Variants in SLC14A2 observed in about 807,000 individuals in gnomAD.
SLC14A2 encodes solute carrier family 14 member 2.
In SLC14A2, 91 loss-of-function variants were observed where a neutral mutation model predicts 104.6. The observed-to-expected ratio is 0.87, with a 90% confidence interval of 0.73 to 1.04. SLC14A2 has a LOEUF of 1.04. Among genes scored for constraint, SLC14A2 ranks in the 50% least tolerant of loss-of-function variants. The pLI, the probability that SLC14A2 is intolerant of heterozygous loss-of-function variation, is 0.00. For synonymous variants in SLC14A2, 476 were observed against 466.4 expected (o/e 1.02, Z -0.27); for missense variants, 1,189 against 1,156.0 (o/e 1.03, Z -0.41).
chr18:45,170,739 A>T, the SLC14A2 span, among the ~76,000 whole-genome samples: 1 of 152,172 alleles, frequency 6.6e-6, no homozygotes. Flanking sequence ...ACTGAGTCTC[A>T]TCCTATTTTC....
In SLC14A2 at chr18:45,465,340, A is replaced by G. The variant is rs573893051; in HGVS notation, c.-124-17893A>G. Among the ~76,000 whole-genome samples the G allele has an allele frequency of 1.4e-3, 218 of 152,274 alleles. 3 individuals are homozygous for G. The highest frequency in any genetic ancestry group is 7.5e-3 in the South Asian group (36 of 4,828). On this transcript the variant is annotated intron_variant, in intron 1 of 20. Transcript: ENST00000586448. ...AGCACCCAAACAGCTCCATTTCCTC[A>G]TGGAGCTGCACTGTTGGCAGTTGTG... is the stretch of plus-strand genomic sequence containing the variant.
chr18:45,172,946 A>G, the SLC14A2 span, among the ~76,000 whole-genome samples: 1 of 152,152 alleles, frequency 6.6e-6, no homozygotes, highest in Non-Finnish European at 1.5e-5. Context: ...TGATAATTTT[A>G]GGGAAAGTCA....
At chr18:45,396,798 T>C (rs2086038570) in intron 1 of SLC14A2, among the ~76,000 whole-genome samples, 1 of 151,962 alleles carries the variant, frequency 6.6e-6, no homozygotes, top group Admixed American at 6.6e-5. Context: ...AATAGTTCCC[T>C]TTTCTGCTCC....
intron 1 of SLC14A2, among the ~76,000 whole-genome samples, chr18:45,254,073 G>T (rs937448197): frequency 1.4e-4 from 22 of 152,232 alleles, no homozygotes; most frequent in African/African-American, 5.3e-4. Flanking sequence ...TTTTATAGGT[G>T]GGGAGTCCCA....
chr18:45,592,308 C>A (rs980004645), intron 2 of SLC14A2, among the ~76,000 whole-genome samples: 1 of 152,062 alleles, frequency 6.6e-6, no homozygotes, highest in African/African-American at 2.4e-5. Flanking sequence ...TCTATAGAAG[C>A]CTATATAATA....
chr18:45,325,968 C>T (rs1473964652), intron 1 of SLC14A2, among the ~76,000 whole-genome samples: 1 of 152,164 alleles, frequency 6.6e-6, no homozygotes, highest in Admixed American at 6.5e-5. Context: ...CAAAGAACAT[C>T]CTGCTTTACA....
intron 1 of SLC14A2, among the ~76,000 whole-genome samples, chr18:45,387,931 G>A (rs575459336): frequency 6.6e-6 from 1 of 152,052 alleles, no homozygotes; most frequent in Non-Finnish European, 1.5e-5. Flanking sequence ...ATGAGGTCAG[G>A]TTATGTGCAA....
the SLC14A2 span, among the ~76,000 whole-genome samples, chr18:45,202,015 C>A: frequency 1.8e-4 from 27 of 152,086 alleles, no homozygotes; most frequent in Non-Finnish European, 2.8e-4. Context: ...AATGCAAGAG[C>A]AAATTAACTT....
At chr18:45,506,715 C>T (rs185488287) in intron 2 of SLC14A2, among the ~76,000 whole-genome samples, 62 of 152,314 alleles carry the variant, frequency 4.1e-4, no homozygotes, top group East Asian at 1.9e-4. Flanking sequence ...GCCCTGCCAA[C>T]ACCTTAGTTG....
At chr18:45,437,426 T>G (rs2086614707) in intron 1 of SLC14A2, among the ~76,000 whole-genome samples, 1 of 151,660 alleles carries the variant, frequency 6.6e-6, no homozygotes, top group South Asian at 2.1e-4. Flanking sequence ...TTGTGGAGAG[T>G]CAGATGAGCC....
intron 2 of SLC14A2, among the ~76,000 whole-genome samples, chr18:45,561,271 C>T (rs1286410549): frequency 1.3e-5 from 2 of 152,176 alleles, no homozygotes; most frequent in African/African-American, 2.4e-5. Context: ...GCTGAAAATC[C>T]ATCCTGTGGG....
upstream of SLC14A2, among the ~76,000 whole-genome samples, chr18:45,212,497 C>G (rs776064663): frequency 2.0e-5 from 3 of 152,178 alleles, no homozygotes; most frequent in Non-Finnish European, 2.9e-5. Context: ...TGAGAAAGCA[C>G]ATGAAAAGGT....
the SLC14A2 span, among the ~76,000 whole-genome samples, chr18:45,204,762 A>T: frequency 6.6e-6 from 1 of 151,646 alleles, no homozygotes; most frequent in South Asian, 2.1e-4. Flanking sequence ...CAACCAATGC[A>T]TTTTCACGAA....
At chr18:45,410,965 C>T (rs555733991) in intron 1 of SLC14A2, among the ~76,000 whole-genome samples, 3 of 152,324 alleles carry the variant, frequency 2.0e-5, no homozygotes, top group Non-Finnish European at 2.9e-5. Flanking sequence ...AAACTTCTTT[C>T]AGATGGACCC....
intron 1 of SLC14A2, among the ~76,000 whole-genome samples, chr18:45,243,789 T>C (rs559304654): frequency 4.5e-4 from 69 of 152,324 alleles, no homozygotes; most frequent in Non-Finnish European, 8.7e-4. Context: ...ATCACAGTTC[T>C]GTTGGCATCT....
the SLC14A2 span, chr18:45,168,918 G>T: frequency 2.0e-5 from 3 of 152,288 alleles, no homozygotes; most frequent in South Asian, 2.1e-4. Flanking sequence ...GGTGCATAAA[G>T]GGTGTTTTAT....
chr18:45,215,031 T>C (rs2083997665), intron 1 of SLC14A2, among the ~76,000 whole-genome samples: 2 of 151,840 alleles, frequency 1.3e-5, no homozygotes, highest in Admixed American at 6.6e-5. Flanking sequence ...AGGGAGTGAT[T>C]GGTGAGGACT....
At chr18:45,500,719 C>T (rs1249454671) in intron 2 of SLC14A2, among the ~76,000 whole-genome samples, 1 of 152,158 alleles carries the variant, frequency 6.6e-6, no homozygotes, top group African/African-American at 2.4e-5. Flanking sequence ...CCCTTCTTTA[C>T]TTCACTGCAC....
chr18:45,539,201 A>G (rs2043847333), intron 2 of SLC14A2, among the ~76,000 whole-genome samples: 1 of 152,186 alleles, frequency 6.6e-6, no homozygotes, highest in African/African-American at 2.4e-5. Flanking sequence ...GAATCTTCAG[A>G]CAGAGCATGA....
Sources: gnomAD v4.1 joint callset for allele counts (sites outside exome capture counted in the v4.1 genomes callset) on GRCh38, gnomAD v4.1.1 for gene constraint, MANE v1.5 for transcripts, NCBI Gene and HGNC (gene_info 2026-07-23, HGNC 2026-07-21) for gene names.